SMG6: variants seen among roughly 807,000 people sequenced by gnomAD.
SMG6 encodes the protein telomerase-binding protein EST1A.
In SMG6, 66 loss-of-function variants were observed where a neutral mutation model predicts 142.2. The ratio of observed to expected loss-of-function variants is 0.46; its 90% CI spans 0.38 to 0.57. The LOEUF (loss-of-function observed/expected upper bound fraction) is 0.57. Ranked by LOEUF, SMG6 falls within the 20% of genes least tolerant of loss-of-function variation. The probability of loss-of-function intolerance (pLI) is 0.00; values close to 1 mark genes in which losing one functional copy is unlikely to be tolerated. For missense variants in SMG6, 1,793 were observed against 1,832.0 expected (o/e 0.98, Z 0.39); for synonymous variants, 779 against 702.4 (o/e 1.11, Z -1.72).
chr17:2,119,805 A>T (rs898577931), intron 13 of SMG6, among the ~76,000 whole-genome samples: 4 of 151,998 alleles, frequency 2.6e-5, no homozygotes, highest in Non-Finnish European at 4.4e-5. Flanking sequence ...TGGGCTACAG[A>T]CGCCCGCTGC....
At chr17:2,135,288 C>T (rs1411101349) in intron 13 of SMG6, among the ~76,000 whole-genome samples, 1 of 152,202 alleles carries the variant, frequency 6.6e-6, no homozygotes, top group Non-Finnish European at 1.5e-5. Flanking sequence ...GACTATGTAA[C>T]ACATTCGTCA....
At chr17:2,172,572 T>G in intron 13 of SMG6, 86 bp downstream of exon 13, 1 of 1,411,772 alleles carries the variant, frequency 7.1e-7, no homozygotes, top group Non-Finnish European at 9.9e-7. Context: ...CATGTTCCAT[T>G]TGCACAGAAA....
At chr17:2,266,183 G>A in intron 8 of SMG6, 1 of 985,382 alleles carries the variant, frequency 1.0e-6, no homozygotes, top group Non-Finnish European at 1.2e-6. Context: ...TGGAAATTCT[G>A]ACGGGTATCT....
intron 13 of SMG6, among the ~76,000 whole-genome samples, chr17:2,149,967 A>G (rs1597473791): frequency 6.6e-6 from 1 of 152,322 alleles, no homozygotes; most frequent in East Asian, 1.9e-4. Context: ...GCTAGAAAGG[A>G]GACAGGTTAG....
At chr17:2,243,889 A>G (rs2073869846) in intron 9 of SMG6, among the ~76,000 whole-genome samples, 1 of 152,172 alleles carries the variant, frequency 6.6e-6, no homozygotes, top group Non-Finnish European at 1.5e-5. Context: ...GCCACCTACT[A>G]CTTTCTTCAC....
chr17:2,112,636 C>CT (rs201847665), intron 13 of SMG6, among the ~76,000 whole-genome samples: 26 of 146,038 alleles, frequency 1.8e-4, no homozygotes, highest in Non-Finnish European at 2.4e-4. Flanking sequence ...TTTTTTGGTG[C>CT]TTTTTTTTTT....
At chr17:2,090,858 A>G (rs962854461) in intron 13 of SMG6, among the ~76,000 whole-genome samples, 5 of 152,232 alleles carry the variant, frequency 3.3e-5, no homozygotes, top group African/African-American at 1.2e-4. Flanking sequence ...ATTTTACAGA[A>G]TGTCCTTAGA....
intron 10 of SMG6, among the ~76,000 whole-genome samples, chr17:2,231,146 C>G (rs2073480396): frequency 6.6e-6 from 1 of 152,140 alleles, no homozygotes; most frequent in East Asian, 1.9e-4. Flanking sequence ...AGTGAATCAC[C>G]ACAGAGGAGC....
At chr17:2,187,666 A>ATCC (rs2072033064) in intron 11 of SMG6, among the ~76,000 whole-genome samples, 1 of 152,152 alleles carries the variant, frequency 6.6e-6, no homozygotes, top group Non-Finnish European at 1.5e-5. Flanking sequence ...AGGGTATGTA[A>ATCC]GAGTTCTCTG....
chr17:2,069,030 G>A (rs2068026532), intron 15 of SMG6, 99 bp from the exon 16 acceptor site: 1 of 1,231,086 alleles, frequency 8.1e-7, no homozygotes, highest in East Asian at 2.5e-5. Flanking sequence ...CCTGCCCCTA[G>A]GAACCTCTTC....
chr17:2,200,922 C>T (rs1567678694), intron 10 of SMG6, among the ~76,000 whole-genome samples: 1 of 152,180 alleles, frequency 6.6e-6, no homozygotes, highest in Admixed American at 6.5e-5. Context: ...AACCACCACA[C>T]CCGGCCCATT....
chr17:2,107,937 C>T (rs1394609733), intron 13 of SMG6, among the ~76,000 whole-genome samples: 1 of 152,176 alleles, frequency 6.6e-6, no homozygotes, highest in African/African-American at 2.4e-5. Flanking sequence ...CCCAAGTCCT[C>T]ACTTTAGAGT....
chr17:2,288,341 C>T (rs1234386854), intron 6 of SMG6, among the ~76,000 whole-genome samples: 4 of 142,702 alleles, frequency 2.8e-5, no homozygotes, highest in South Asian at 2.3e-4. Context: ...CAAGACAGCC[C>T]GGGAGTGGTG....
At chr17:2,102,167 T>C (rs1332145063) in intron 13 of SMG6, among the ~76,000 whole-genome samples, 1 of 152,216 alleles carries the variant, frequency 6.6e-6, no homozygotes, top group African/African-American at 2.4e-5. Context: ...ACTCTGAAGA[T>C]CTATATTCCT....
chr17:2,113,179 G>A (rs780516273), intron 13 of SMG6, among the ~76,000 whole-genome samples: 4 of 151,894 alleles, frequency 2.6e-5, no homozygotes, highest in East Asian at 1.9e-4. Context: ...GATCCTCCCC[G>A]CGACTTCAGC....
intron 10 of SMG6, among the ~76,000 whole-genome samples, chr17:2,211,619 G>A (rs752067576): frequency 9.0e-4 from 135 of 150,392 alleles, no homozygotes; most frequent in Non-Finnish European, 1.7e-3. Flanking sequence ...AGCCGAGATC[G>A]TGCCAGGGCA....
chr17:2,162,967 G>T (rs890252600), intron 13 of SMG6, among the ~76,000 whole-genome samples: 1 of 151,986 alleles, frequency 6.6e-6, no homozygotes, highest in Non-Finnish European at 1.5e-5. Context: ...AAGTAGCTGG[G>T]ACTACAGATG....
intron 13 of SMG6, among the ~76,000 whole-genome samples, chr17:2,147,009 C>T (rs994488525): frequency 6.6e-6 from 1 of 152,120 alleles, no homozygotes; most frequent in Non-Finnish European, 1.5e-5. Context: ...AGAGAGGTTA[C>T]AGGGATATTT....
intron 8 of SMG6, among the ~76,000 whole-genome samples, chr17:2,249,653 G>A (rs951902137): frequency 6.6e-6 from 1 of 152,162 alleles, no homozygotes; most frequent in Non-Finnish European, 1.5e-5. Flanking sequence ...AATACACCTA[G>A]ATGGTTCTCG....
Sources: allele counts gnomAD v4.1 joint callset (sites outside exome capture counted in the v4.1 genomes callset), GRCh38; gene constraint gnomAD v4.1.1; transcripts MANE v1.5; gene names NCBI Gene and HGNC (gene_info 2026-07-23, HGNC 2026-07-21).